The following LRRTM3 variants were observed in gnomAD, a reference collection of about 807,000 sequenced individuals.
The protein encoded by LRRTM3 is leucine rich repeat transmembrane neuronal 3.
In LRRTM3, 24 loss-of-function variants were observed where a neutral mutation model predicts 44.7. That is an observed-to-expected ratio of 0.54 (90% CI 0.39 to 0.76). The LOEUF is 0.76. Ranked by LOEUF, LRRTM3 falls within the 30% of genes least tolerant of loss-of-function variation. LRRTM3 has a pLI of 0.00. For missense variants in LRRTM3, 587 were observed against 702.2 expected (o/e 0.84, Z 1.85); for synonymous variants, 277 against 278.7 (o/e 0.99, Z 0.06).
chr10:67,025,970 A>C (rs1589623266), intron 2 of LRRTM3, among the ~76,000 whole-genome samples: 1 of 151,266 alleles, frequency 6.6e-6, no homozygotes, highest in East Asian at 1.9e-4. Flanking sequence ...GACATGGATG[A>C]AATTGGAAAT....
intron 2 of LRRTM3, among the ~76,000 whole-genome samples, chr10:66,952,561 G>A (rs758815502): frequency 4.6e-5 from 7 of 151,972 alleles, no homozygotes; most frequent in East Asian, 1.9e-4. Flanking sequence ...GTGGAGGCAC[G>A]CACACATGCA....
chr10:67,007,769 A>T (rs186678784), intron 2 of LRRTM3, among the ~76,000 whole-genome samples: 3,641 of 150,798 alleles, frequency 0.024, 167 homozygotes, highest in African/African-American at 0.082. Context: ...TAGTATTTTT[A>T]AAAAAAAAGT....
At chr10:67,096,090 A>T (rs1156953669) in intron 2 of LRRTM3, among the ~76,000 whole-genome samples, 1 of 151,840 alleles carries the variant, frequency 6.6e-6, no homozygotes, top group African/African-American at 2.4e-5. Flanking sequence ...TTACTCTGGA[A>T]TTTTCATTTA....
intron 2 of LRRTM3, among the ~76,000 whole-genome samples, chr10:66,981,237 C>G (rs1454375575): frequency 1.3e-5 from 2 of 152,188 alleles, no homozygotes; most frequent in African/African-American, 2.4e-5. Context: ...ATTCCTAAAT[C>G]AATATCCTGA....
intron 2 of LRRTM3, among the ~76,000 whole-genome samples, chr10:67,087,455 T>C (rs997848789): frequency 1.3e-5 from 2 of 152,022 alleles, no homozygotes; most frequent in African/African-American, 2.4e-5. Context: ...GATTATCTTA[T>C]TTTTAATATT....
At chr10:67,093,977 A>AC (rs1589729240) in intron 2 of LRRTM3, among the ~76,000 whole-genome samples, 1 of 151,954 alleles carries the variant, frequency 6.6e-6, no homozygotes, top group African/African-American at 2.4e-5. Flanking sequence ...CAGGTAGTGC[A>AC]CTGCTACTTG....
chr10:67,081,383 G>A (rs1298085034), intron 2 of LRRTM3, among the ~76,000 whole-genome samples: 1 of 152,132 alleles, frequency 6.6e-6, no homozygotes, highest in African/African-American at 2.4e-5. Context: ...CACTTATTGA[G>A]AACTTACTAT....
intron 2 of LRRTM3, among the ~76,000 whole-genome samples, chr10:66,996,593 G>A (rs751489272): frequency 7.5e-6 from 1 of 134,056 alleles, no homozygotes; most frequent in Non-Finnish European, 1.5e-5. Context: ...GGTTGCAGTG[G>A]GTCAAGATCG....
intron 2 of LRRTM3, among the ~76,000 whole-genome samples, chr10:67,088,278 C>T (rs1290312943): frequency 6.6e-6 from 1 of 151,564 alleles, no homozygotes; most frequent in African/African-American, 2.4e-5. Context: ...TTCAGCAAAC[C>T]TTCACTGAAG....
intron 2 of LRRTM3, among the ~76,000 whole-genome samples, chr10:67,091,817 A>G (rs1208206127): frequency 6.6e-6 from 1 of 152,056 alleles, no homozygotes; most frequent in African/African-American, 2.4e-5. Flanking sequence ...ACTTAATCTA[A>G]TAAGTATTCC....
Position 67,099,469 on chromosome 10 carries a change from A to T in LRRTM3, c.*1673A>T, listed in dbSNP as rs1858208606. The T allele has an allele frequency of 6.6e-6, 1 of 151,988 alleles. No homozygotes were observed. Among genetic ancestry groups the T allele is most frequent in the Admixed American group, 6.6e-5 (1 of 15,170 alleles). 9.4% of individuals were successfully genotyped at this position (151,988 alleles called of 1,614,324 possible). On this transcript the variant is annotated 3_prime_UTR_variant, in exon 3 of 3. Coordinates refer to ENST00000361320, the MANE Select transcript of LRRTM3 (RefSeq NM_178011.5). ...GGCCAATCAAAACAATGAAGAAAAG[A>T]ATAACTGAAAACAATGTCAAACTTT... is the stretch of plus-strand genomic sequence containing the variant.
At chr10:66,970,921 C>T (rs886720216) in intron 2 of LRRTM3, among the ~76,000 whole-genome samples, 4 of 152,154 alleles carry the variant, frequency 2.6e-5, no homozygotes, top group African/African-American at 4.8e-5. Context: ...AAAATTCCCT[C>T]AACCAAGTGA....
At chr10:67,033,634 A>C (rs1032990854) in intron 2 of LRRTM3, among the ~76,000 whole-genome samples, 5 of 152,176 alleles carry the variant, frequency 3.3e-5, no homozygotes. Flanking sequence ...CAACAACCCT[A>C]TGAAGTTAGT....
At chr10:67,014,724 A>C (rs997161715) in intron 2 of LRRTM3, among the ~76,000 whole-genome samples, 1 of 152,068 alleles carries the variant, frequency 6.6e-6, no homozygotes, top group African/African-American at 2.4e-5. Context: ...AGTAATAAAG[A>C]GAAGTTTCAG....
At chr10:67,064,814 GT>G (rs139766808) in intron 2 of LRRTM3, among the ~76,000 whole-genome samples, 8,371 of 152,188 alleles carry the variant, frequency 0.055, 336 homozygotes, top group South Asian at 0.19. Context: ...ATTAGATGTG[GT>G]AACTTCTTTT....
chr10:66,948,854 T>C (rs924790646), intron 2 of LRRTM3, among the ~76,000 whole-genome samples: 2 of 152,168 alleles, frequency 1.3e-5, no homozygotes, highest in African/African-American at 4.8e-5. Flanking sequence ...AATACTTCAG[T>C]GAAATGTTCT....
chr10:66,926,044 G>C lies in LRRTM3; in HGVS notation c.-540G>C, dbSNP rs767420371. On this transcript the variant is annotated 5_prime_UTR_variant, in exon 1 of 3. Transcript: ENST00000361320. ...TTCACTGAAACCAAAGCAACAGTCC[G>C]AGCAGCTTTCAGAATGACAGTCTGC... 5 of 456,834 alleles carry C rather than the reference G, an allele frequency of 1.1e-5. No individual in the cohort carries two copies. The highest frequency in any genetic ancestry group is 4.6e-5 in the South Asian group (3 of 64,572). The allele number at this position is 456,834 out of a possible 1,614,324, so 28.3% of individuals were successfully genotyped here. A position where few individuals can be genotyped will look rare whatever the true frequency, so the allele number is the denominator to read the frequency against.
At chr10:66,994,790 T>G (rs573056310) in intron 2 of LRRTM3, among the ~76,000 whole-genome samples, 1 of 152,336 alleles carries the variant, frequency 6.6e-6, no homozygotes, top group African/African-American at 2.4e-5. Flanking sequence ...TAATAATTAT[T>G]GTGAAGAAGT....
chr10:66,975,130 A>G (rs72804654), intron 2 of LRRTM3, among the ~76,000 whole-genome samples: 35,228 of 152,066 alleles, frequency 0.23, 4,627 homozygotes, highest in Non-Finnish European at 0.31. Flanking sequence ...GCATTTCATC[A>G]TTTCAAAAAT....
Sources: allele counts gnomAD v4.1 joint callset (sites outside exome capture counted in the v4.1 genomes callset), GRCh38; gene constraint gnomAD v4.1.1; transcripts MANE v1.5; gene names NCBI Gene and HGNC (gene_info 2026-07-23, HGNC 2026-07-21).